Variants in OPRM1 observed in about 807,000 individuals in gnomAD.
OPRM1 encodes the protein opioid receptor mu 1.
A neutral mutation model predicts 31.8 loss-of-function variants in OPRM1; 27 were observed. That is an observed-to-expected ratio of 0.85 (90% CI 0.63 to 1.17). The LOEUF (loss-of-function observed/expected upper bound fraction) is 1.17, where lower values mean the gene tolerates loss of function less well. OPRM1 is among the 50% of genes most tolerant of loss of function. The pLI is 0.00. For missense variants in OPRM1, 536 were observed against 511.1 expected, an observed-to-expected ratio of 1.05 and a Z score of -0.47; for synonymous variants, 196 against 189.9, an observed-to-expected ratio of 1.03 and a Z score of -0.26.
chr6:154,230,428 G>T (rs1779628928), intron 3 of OPRM1, among the ~76,000 whole-genome samples: 1 of 152,178 alleles, frequency 6.6e-6, no homozygotes, highest in South Asian at 2.1e-4. Context: ...CAGGACATCA[G>T]ATTTTAGAAT....
chr6:154,195,555 C>G (rs1406939843), intron 3 of OPRM1, among the ~76,000 whole-genome samples: 1 of 152,106 alleles, frequency 6.6e-6, no homozygotes, highest in Non-Finnish European at 1.5e-5. Flanking sequence ...CAACCTCAAC[C>G]AAATGTCCTT....
intron 1 of OPRM1, among the ~76,000 whole-genome samples, chr6:154,014,070 C>T (rs965043303): frequency 2.6e-5 from 4 of 152,136 alleles, no homozygotes; most frequent in Non-Finnish European, 5.9e-5. Context: ...GTGGATGCTA[C>T]TCCAAAGGAG....
chr6:154,241,350 T>A (rs894104979), intron 3 of OPRM1, among the ~76,000 whole-genome samples: 3 of 151,778 alleles, frequency 2.0e-5, no homozygotes, highest in African/African-American at 7.3e-5. Flanking sequence ...ATGGCACACA[T>A]GGTGTCAATA....
intron 3 of OPRM1, among the ~76,000 whole-genome samples, chr6:154,109,792 C>CTCTCTCTCTG (rs1358444421): frequency 3.0e-5 from 3 of 101,200 alleles, no homozygotes; most frequent in African/African-American, 1.1e-4. Flanking sequence ...CTCTCTCTCT[C>CTCTCTCTCTG]TGTGTGTGTG....
intron 3 of OPRM1, among the ~76,000 whole-genome samples, chr6:154,193,607 A>T (rs942172158): frequency 6.6e-6 from 1 of 152,240 alleles, no homozygotes; most frequent in Non-Finnish European, 1.5e-5. Context: ...AAAAGAAAGA[A>T]AACCAAGGAT....
Position 154,039,453 on chromosome 6 carries a change from G to A in OPRM1, c.-92G>A. ...AAGAAACAGCAGGAGCTGTGGCAGC[G>A]GCGAAAGGAAGCGGCTGAGGCGCTT... On this transcript the variant is annotated 5_prime_UTR_variant, in exon 1 of 4. Coordinates refer to ENST00000330432, the MANE Select transcript of OPRM1 (RefSeq NM_000914.5). The A allele has an allele frequency of 6.4e-7, 1 of 1,552,376 alleles. No homozygotes were observed. The highest frequency in any genetic ancestry group is 1.2e-5 in the South Asian group (1 of 84,116).
Position 154,039,706 on chromosome 6 carries a change from G to T in OPRM1, c.162G>T (p.Gly54=). The change falls in exon 1 of 4, where the codon GGG becomes GGT. Residue 54 remains glycine (G), a synonymous_variant. Transcript: ENST00000330432. ...PCGPNRTDLG[G]RDSLCPPTGS... ...GTCCGAACCGCACCGACCTGGGCGG[G>T]AGAGACAGCCTGTGCCCTCCGACCG... 6.2e-7 allele frequency: 1 copy of T among 1,613,424 alleles called. No homozygotes were observed. Among genetic ancestry groups the T allele is most frequent in the Non-Finnish European group, 8.5e-7 (1 of 1,180,026 alleles).
At chr6:154,051,692 G>A (rs372557480) in intron 1 of OPRM1, among the ~76,000 whole-genome samples, 1 of 152,214 alleles carries the variant, frequency 6.6e-6, no homozygotes, top group Non-Finnish European at 1.5e-5. Context: ...TACTGGTGAG[G>A]CCATGGAGAA....
chr6:154,246,214 T>C (rs1029719268), intron 3 of OPRM1, among the ~76,000 whole-genome samples: 1 of 152,186 alleles, frequency 6.6e-6, no homozygotes, highest in African/African-American at 2.4e-5. Flanking sequence ...CCGAGTCTCC[T>C]TTTAGTAGAG....
intron 3 of OPRM1, among the ~76,000 whole-genome samples, chr6:154,153,743 A>C (rs1798608679): frequency 6.6e-6 from 1 of 151,724 alleles, no homozygotes; most frequent in African/African-American, 2.4e-5. Flanking sequence ...CACCAGGTGC[A>C]AGTTGCTGAC....
intron 3 of OPRM1, among the ~76,000 whole-genome samples, chr6:154,203,979 C>T (rs1466723428): frequency 6.6e-6 from 1 of 152,046 alleles, no homozygotes; most frequent in Non-Finnish European, 1.5e-5. Context: ...GTTCTCATAA[C>T]CTCAGATAAA....
At chr6:154,043,301 C>T (rs1036714425) in intron 1 of OPRM1, among the ~76,000 whole-genome samples, 1 of 152,034 alleles carries the variant, frequency 6.6e-6, no homozygotes, top group South Asian at 2.1e-4. Flanking sequence ...TAAATACGTG[C>T]AAGATGTTAT....
At chr6:154,078,835 G>A (rs1317857972) in intron 1 of OPRM1, among the ~76,000 whole-genome samples, 1 of 152,148 alleles carries the variant, frequency 6.6e-6, no homozygotes, top group African/African-American at 2.4e-5. Flanking sequence ...TCATAATTGT[G>A]CCACTGCACT....
rs547067736 is a variant in OPRM1, at chr6:154,119,968, G to T, written c.*1247G>T. 6.6e-6 allele frequency among the ~76,000 whole-genome samples: 1 copy of T among 152,016 alleles called. No individual in the cohort carries two copies. Among genetic ancestry groups the T allele is most frequent in the Non-Finnish European group, 1.5e-5 (1 of 67,972 alleles). On this transcript the variant is annotated 3_prime_UTR_variant, in exon 4 of 4. Transcript: ENST00000330432. ...AGTAGTTTCTTTAAGACAATTCTCC[G>T]CTTTAACTGATTTTCTTTGTTGTGA...
chr6:154,181,094 G>C (rs1763175686), intron 3 of OPRM1, among the ~76,000 whole-genome samples: 1 of 152,066 alleles, frequency 6.6e-6, no homozygotes, highest in South Asian at 2.1e-4. Context: ...CAGAAGAATT[G>C]TATAGGCTTT....
rs1554274930 is a variant in OPRM1, at chr6:154,099,329, AAGGG to A, written c.1164+7865_1164+7868del. ...GAAGAAAGGAAGGAAGGAAGGAAGGAAGGGAGGGAGGAAGAGAGCGAGAGAGAGA... is the reference window on the plus strand; with the variant it reads ...GAAGAAAGGAAGGAAGGAAGGAAGGAAGGGAGGAAGAGAGCGAGAGAGAGA... On this transcript the variant is annotated intron_variant, in intron 3 of 3. Coordinates refer to ENST00000330432, the MANE Select transcript of OPRM1 (RefSeq NM_000914.5). Among the ~76,000 whole-genome samples the A allele has an allele frequency of 1.5e-3, 180 of 119,464 alleles. 1 individual carries two copies. The highest frequency in any genetic ancestry group is 5.3e-3 in the African/African-American group (173 of 32,566). The allele number at this position is 119,464 out of a possible 152,430, so 78.4% of individuals were successfully genotyped here.
intron 1 of OPRM1, among the ~76,000 whole-genome samples, chr6:154,050,141 C>G (rs374669406): frequency 1.4e-4 from 21 of 152,160 alleles, no homozygotes; most frequent in African/African-American, 4.8e-4. Flanking sequence ...CTGGGCTTTT[C>G]TTTACTGGAA....
intron 3 of OPRM1, among the ~76,000 whole-genome samples, chr6:154,147,111 G>A (rs1007968610): frequency 1.3e-5 from 2 of 152,102 alleles, no homozygotes; most frequent in African/African-American, 4.8e-5. Flanking sequence ...ACTGCTCCAG[G>A]GAAGCAGCTG....
At chr6:154,070,488 A>T (rs1014020883) in intron 1 of OPRM1, among the ~76,000 whole-genome samples, 1 of 152,224 alleles carries the variant, frequency 6.6e-6, no homozygotes, top group Non-Finnish European at 1.5e-5. Context: ...TGTGATGAAG[A>T]TCAAGTAAGA....
Sources: allele counts gnomAD v4.1 joint callset (sites outside exome capture counted in the v4.1 genomes callset), GRCh38; gene constraint gnomAD v4.1.1; transcripts MANE v1.5; gene names NCBI Gene and HGNC (gene_info 2026-07-23, HGNC 2026-07-21).